The following OCA2 variants were observed in gnomAD, a reference collection of about 807,000 sequenced individuals.
The protein encoded by OCA2 is P protein.
A neutral mutation model predicts 100.2 loss-of-function variants in OCA2; 77 were observed. The observed-to-expected ratio is 0.77, with a 90% CI of 0.64 to 0.93. The LOEUF is 0.93. OCA2 is among the 40% of genes least tolerant of loss of function. The pLI is 0.00. For synonymous variants in OCA2, 432 were observed against 439.2 expected (o/e 0.98, Z 0.21); for missense variants, 1,062 against 1,089.1 (o/e 0.98, Z 0.35).
intron 19 of OCA2, among the ~76,000 whole-genome samples, chr15:27,903,466 A>G (rs747595147): frequency 6.6e-6 from 1 of 152,170 alleles, no homozygotes; most frequent in Non-Finnish European, 1.5e-5. Flanking sequence ...ACTCTCTAGG[A>G]GGCACTTTCT....
intron 22 of OCA2, among the ~76,000 whole-genome samples, chr15:27,846,662 C>T (rs1245301774): frequency 6.6e-6 from 1 of 152,172 alleles, no homozygotes; most frequent in East Asian, 1.9e-4. Context: ...TGCGAGGGAC[C>T]ACTTCCCAGG....
Position 27,824,598 on chromosome 15 carries a change from CTCTCTATA to C in OCA2, c.2432+20353_2432+20360del, listed in dbSNP as rs1201934720. On this transcript the variant is annotated intron_variant, in intron 23 of 23. Transcript: ENST00000354638. The stretch of plus-strand genomic sequence containing the variant: ...ACAATTTCTCTCTCTCTCTCTCTCT[CTCTCTATA>C]TATATATATATATATAATATAATAT... Among the ~76,000 whole-genome samples, 66 of 39,726 alleles carry C rather than the reference CTCTCTATA, an allele frequency of 1.7e-3. 2 individuals carry two copies. The highest frequency in any genetic ancestry group is 0.014 in the African/African-American group (60 of 4,344). 26.1% of individuals were successfully genotyped at this position (39,726 alleles called of 152,430 possible). A position where few individuals can be genotyped will look rare whatever the true frequency, so the allele number is the denominator to read the frequency against.
At chr15:27,807,065 C>T (rs1435553097) in intron 23 of OCA2, among the ~76,000 whole-genome samples, 1 of 137,146 alleles carries the variant, frequency 7.3e-6, no homozygotes, top group Non-Finnish European at 1.5e-5. Flanking sequence ...CCTGTCTACC[C>T]GCCAGCATTC....
chr15:27,983,494 T>C lies in OCA2; in HGVS notation c.1365-11A>G. 3.1e-6 allele frequency: 5 copies of C among 1,614,062 alleles called. No individual in the cohort carries two copies. Among genetic ancestry groups the C allele is most frequent in the Non-Finnish European group, 4.2e-6 (5 of 1,179,982 alleles). ...AGCACCTCACACAACCTGTCACAAA[T>C]GGAGGAAAATGAAAGTAGTCCCACT... On this transcript the variant is annotated splice_polypyrimidine_tract_variant and intron_variant, in intron 13 of 23. Transcript: ENST00000354638.
At chr15:27,798,784 C>T (rs1224647203) in intron 23 of OCA2, among the ~76,000 whole-genome samples, 1 of 152,210 alleles carries the variant, frequency 6.6e-6, no homozygotes. Context: ...CGCAAGGTAA[C>T]TACATTTTGT....
chr15:27,770,985 T>C, intron 23 of OCA2, among the ~76,000 whole-genome samples: 2 of 100,284 alleles, frequency 2.0e-5, no homozygotes, highest in African/African-American at 4.0e-5. Context: ...CTTTCCTTCT[T>C]TCTTCCTTCC....
At chr15:27,964,521 G>C (rs1158003751) in intron 15 of OCA2, among the ~76,000 whole-genome samples, 1 of 152,186 alleles carries the variant, frequency 6.6e-6, no homozygotes, top group Non-Finnish European at 1.5e-5. Flanking sequence ...TATTCTCTTT[G>C]CCTTCAAGGC....
intron 3 of OCA2, among the ~76,000 whole-genome samples, chr15:28,028,734 G>T (rs918348822): frequency 3.3e-5 from 5 of 152,126 alleles, no homozygotes; most frequent in Non-Finnish European, 7.4e-5. Context: ...CACCCAGGCT[G>T]GAGTGCAGTG....
At chr15:27,823,252 T>A (rs561071965) in intron 23 of OCA2, among the ~76,000 whole-genome samples, 13 of 152,360 alleles carry the variant, frequency 8.5e-5, no homozygotes, top group African/African-American at 3.1e-4. Context: ...TTATTAGAGT[T>A]TTATTAGAGT....
chr15:27,972,820 G>GT (rs1555446470), intron 14 of OCA2, among the ~76,000 whole-genome samples: 1 of 74,380 alleles, frequency 1.3e-5, no homozygotes, highest in African/African-American at 3.2e-5. Flanking sequence ...TACTTTGATG[G>GT]TTATTTTATT....
At chr15:28,055,532 A>G (rs894771541) in intron 2 of OCA2, among the ~76,000 whole-genome samples, 1 of 152,024 alleles carries the variant, frequency 6.6e-6, no homozygotes, top group Non-Finnish European at 1.5e-5. Flanking sequence ...GTGCTCCTAG[A>G]TGGTTTGTTT....
chr15:27,721,283 G>T, the OCA2 span, among the ~76,000 whole-genome samples: 1 of 152,132 alleles, frequency 6.6e-6, no homozygotes, highest in Admixed American at 6.5e-5. Flanking sequence ...TAAGAGGATT[G>T]CTCGAGCCCA....
At position 28,081,845 on chromosome 15, in the gene OCA2, C is replaced by T; in HGVS notation, c.30G>A (p.Arg10=). 6.2e-7 allele frequency: 1 copy of T among 1,611,446 alleles called. No homozygotes were observed. Among genetic ancestry groups the T allele is most frequent in the Non-Finnish European group, 8.5e-7 (1 of 1,179,716 alleles). Residue 10 remains arginine, a synonymous_variant, in exon 2 of 24, where the codon CGG becomes CGA. Coordinates refer to ENST00000354638, the MANE Select transcript of OCA2 (RefSeq NM_000275.3). MHLEGRDGR[R]YPGAPAVELL... ...GCTCCACCGCCGGCGCGCCGGGGTA[C>T]CGCCTGCCGTCTCTGCCCTCCAGAT...
chr15:27,779,875 C>T (rs986069955), intron 23 of OCA2, among the ~76,000 whole-genome samples: 13 of 151,990 alleles, frequency 8.6e-5, no homozygotes, highest in African/African-American at 2.9e-4. Context: ...CCTTGTGTTT[C>T]CTTGTGCTTT....
intron 2 of OCA2, among the ~76,000 whole-genome samples, chr15:28,059,156 G>T (rs779167376): frequency 5.3e-4 from 81 of 152,220 alleles, no homozygotes; most frequent in Non-Finnish European, 9.7e-4. Context: ...TCAAGCTCCA[G>T]TTCCTCCCTG....
At position 27,827,556 on chromosome 15, in the gene OCA2, GGA is replaced by G. The variant is rs1491179537; in HGVS notation, c.2432+17401_2432+17402del. On this transcript the variant is annotated intron_variant, in intron 23 of 23. Transcript: ENST00000354638. The stretch of plus-strand genomic sequence containing the variant: ...CTTGTAATTCTCATGAGTCATTTAA[GGA>G]AAAAAAAAAACACATTAGGTTGAGA... Among the ~76,000 whole-genome samples, 16 of 127,746 alleles carry G rather than the reference GGA, an allele frequency of 1.3e-4. No homozygotes were observed. In the East Asian group the frequency reaches 0.011, roughly 87 times the overall value. The allele number at this position is 127,746 out of a possible 152,430, so 83.8% of individuals were successfully genotyped here.
chr15:27,937,674 A>C (rs1023762359), intron 18 of OCA2, among the ~76,000 whole-genome samples: 14 of 152,190 alleles, frequency 9.2e-5, no homozygotes, highest in African/African-American at 3.4e-4. Context: ...ACCTTCTCAT[A>C]TGCTTACTAA....
rs1246037560 is a variant in OCA2 at position 27,770,986 on chromosome 15, T to TC, written c.2433-15515dup. Among the ~76,000 whole-genome samples, 6 of 92,438 alleles carry TC rather than the reference T, an allele frequency of 6.5e-5. No homozygotes were observed. The East Asian group carries it at 2.5e-3, about 39-fold the overall frequency. 60.6% of individuals were successfully genotyped at this position (92,438 alleles called of 152,430 possible). A position where few individuals can be genotyped will look rare whatever the true frequency, so the allele number is the denominator to read the frequency against. ...TCCTCCCTCCCTTCCTTTCCTTCTT[T>TC]CTTCCTTCCCTTCCTTCCTTCCCTT... On this transcript the variant is annotated intron_variant, in intron 23 of 23. Transcript: ENST00000354638.
the OCA2 span, among the ~76,000 whole-genome samples, chr15:27,748,949 A>G: frequency 6.7e-6 from 1 of 150,210 alleles, no homozygotes; most frequent in Non-Finnish European, 1.5e-5. Context: ...GAACACAGAG[A>G]GAAAATACTG....
Sources: gnomAD v4.1 joint callset for allele counts (sites outside exome capture counted in the v4.1 genomes callset) on GRCh38, gnomAD v4.1.1 for gene constraint, MANE v1.5 for transcripts, NCBI Gene and HGNC (gene_info 2026-07-23, HGNC 2026-07-21) for gene names.